SCMH1: variants seen among roughly 807,000 people sequenced by gnomAD.
The protein encoded by SCMH1 is Scm polycomb group protein homolog 1, also known as polycomb protein SCMH1.
In SCMH1, 37 loss-of-function variants were observed where a neutral mutation model predicts 70.8. The observed-to-expected ratio is 0.52, with a 90% CI of 0.40 to 0.69. SCMH1 has a LOEUF of 0.69. Ranked by LOEUF, SCMH1 falls within the 30% of genes least tolerant of loss-of-function variation. SCMH1 has a pLI of 0.00. For missense variants in SCMH1, 607 were observed against 827.3 expected, an observed-to-expected ratio of 0.73 and a Z score of 3.27; for synonymous variants, 292 against 307.4, an observed-to-expected ratio of 0.95 and a Z score of 0.52.
At chr1:41,201,190 G>C (rs1294684537) in intron 1 of SCMH1, among the ~76,000 whole-genome samples, 1 of 152,166 alleles carries the variant, frequency 6.6e-6, no homozygotes, top group African/African-American at 2.4e-5. Context: ...CCTCTCTAAA[G>C]TCTCAGATTC....
At chr1:41,098,114 A>C (rs1227015689) in intron 8 of SCMH1, among the ~76,000 whole-genome samples, 3 of 152,156 alleles carry the variant, frequency 2.0e-5, no homozygotes, top group African/African-American at 7.2e-5. Flanking sequence ...AGTCTCTATT[A>C]GTATTATTTT....
At chr1:41,041,129 A>C (rs1646107655) in intron 12 of SCMH1, among the ~76,000 whole-genome samples, 1 of 152,106 alleles carries the variant, frequency 6.6e-6, no homozygotes, top group African/African-American at 2.4e-5. Context: ...GAACTGAGTG[A>C]CCAAGGAACT....
At chr1:41,138,038 A>G (rs1430247580) in intron 6 of SCMH1, among the ~76,000 whole-genome samples, 1 of 152,138 alleles carries the variant, frequency 6.6e-6, no homozygotes, top group Admixed American at 6.5e-5. Context: ...TAAATTGATC[A>G]TCTCTTGCTT....
chr1:41,202,266 C>T (rs1182564953), intron 1 of SCMH1, among the ~76,000 whole-genome samples: 1 of 151,786 alleles, frequency 6.6e-6, no homozygotes, highest in African/African-American at 2.4e-5. Context: ...AAACTCCTGA[C>T]CTTGTGATCT....
chr1:41,157,497 T>C (rs1645649963), intron 4 of SCMH1, among the ~76,000 whole-genome samples: 1 of 152,234 alleles, frequency 6.6e-6, no homozygotes, highest in African/African-American at 2.4e-5. Flanking sequence ...CTTTTCACTA[T>C]ACCACAGGGT....
At chr1:41,183,012 T>TTCC (rs995812523) in intron 2 of SCMH1, among the ~76,000 whole-genome samples, 1 of 152,224 alleles carries the variant, frequency 6.6e-6, no homozygotes, top group African/African-American at 2.4e-5. Flanking sequence ...ATGGCCATGT[T>TTCC]TCAGAGTATA....
At chr1:41,031,321 CT>C (rs370971447) in intron 13 of SCMH1, among the ~76,000 whole-genome samples, 5 of 151,934 alleles carry the variant, frequency 3.3e-5, no homozygotes, top group Non-Finnish European at 7.4e-5. Flanking sequence ...AACCACCCCC[CT>C]CCCCCACCGC....
intron 1 of SCMH1, among the ~76,000 whole-genome samples, chr1:41,190,226 A>T (rs1487604335): frequency 6.6e-6 from 1 of 152,228 alleles, no homozygotes; most frequent in Non-Finnish European, 1.5e-5. Flanking sequence ...AATTTAAGAA[A>T]CTAGGGAAGG....
At chr1:41,204,769 C>T (rs764245924) in intron 1 of SCMH1, among the ~76,000 whole-genome samples, 1 of 152,178 alleles carries the variant, frequency 6.6e-6, no homozygotes, top group Non-Finnish European at 1.5e-5. Flanking sequence ...TTTTCCATAT[C>T]TATTTATTTG....
intron 10 of SCMH1, among the ~76,000 whole-genome samples, chr1:41,066,477 T>C (rs556618420): frequency 6.6e-6 from 1 of 152,344 alleles, no homozygotes; most frequent in East Asian, 1.9e-4. Flanking sequence ...TGTTCTATCT[T>C]AGATAATTTA....
chr1:41,038,239 TG>T (rs1645587446), intron 12 of SCMH1, among the ~76,000 whole-genome samples: 1 of 152,200 alleles, frequency 6.6e-6, no homozygotes, highest in African/African-American at 2.4e-5. Flanking sequence ...AGTCTTTCCT[TG>T]TAAAGGGAAT....
intron 6 of SCMH1, among the ~76,000 whole-genome samples, chr1:41,141,757 A>T (rs866945366): frequency 6.6e-6 from 1 of 152,250 alleles, no homozygotes; most frequent in Admixed American, 6.5e-5. Context: ...CTTAAAGGAC[A>T]TATCAACTAA....
At chr1:41,224,130 AC>A (rs1308961094) in intron 1 of SCMH1, among the ~76,000 whole-genome samples, 1 of 152,130 alleles carries the variant, frequency 6.6e-6, no homozygotes, top group Admixed American at 6.5e-5. Flanking sequence ...TACCTAAAAA[AC>A]GTCTACTCAT....
At chr1:41,181,966 T>C (rs528018888) in intron 2 of SCMH1, among the ~76,000 whole-genome samples, 10 of 152,316 alleles carry the variant, frequency 6.6e-5, no homozygotes, top group South Asian at 2.1e-4. Context: ...CCATCAATGA[T>C]AGACTGGATT....
chr1:41,186,340 T>A, intron 1 of SCMH1, 90 bp from the exon 2 acceptor site: 1 of 393,796 alleles, frequency 2.5e-6, no homozygotes, highest in Non-Finnish European at 4.7e-6. Flanking sequence ...TAGGCTACAT[T>A]ATAAGAAAAG....
intron 1 of SCMH1, among the ~76,000 whole-genome samples, chr1:41,197,255 C>T (rs777969703): frequency 1.3e-5 from 2 of 152,174 alleles, no homozygotes; most frequent in Non-Finnish European, 1.5e-5. Context: ...ATGTTCATAG[C>T]AGCATGATTC....
chr1:41,076,231 A>G (rs1306436726), intron 8 of SCMH1, among the ~76,000 whole-genome samples: 3 of 152,124 alleles, frequency 2.0e-5, no homozygotes, highest in Non-Finnish European at 4.4e-5. Flanking sequence ...TCAACACTGG[A>G]TCCAGGGCCA....
rs186137261 is a variant in SCMH1, at chr1:41,058,871, C to T, written c.1106-9981G>A. On this transcript the variant is annotated intron_variant, in intron 10 of 14. Transcript: ENST00000337495. ...TGGGTTGGTGGAGGAATGACTAGTC[C>T]CCTTTGTCTTTGTTCTGCACCTGAG... Among the ~76,000 whole-genome samples, 368 of 152,064 alleles carry T rather than the reference C, an allele frequency of 2.4e-3. 1 individual carries two copies. Among genetic ancestry groups the T allele is most frequent in the African/African-American group, 8.4e-3 (349 of 41,468 alleles).
At chr1:41,040,726 TG>T (rs1352038577) in intron 12 of SCMH1, among the ~76,000 whole-genome samples, 2 of 151,968 alleles carry the variant, frequency 1.3e-5, no homozygotes, top group East Asian at 3.9e-4. Context: ...TAGCCGGGCG[TG>T]GTGGTGCATG....
Sources: allele counts gnomAD v4.1 joint callset (sites outside exome capture counted in the v4.1 genomes callset), GRCh38; gene constraint gnomAD v4.1.1; transcripts MANE v1.5; gene names NCBI Gene and HGNC (gene_info 2026-07-23, HGNC 2026-07-21).